The following CCDC122 variants were observed in gnomAD, a reference collection of about 807,000 sequenced individuals.
CCDC122 encodes coiled-coil domain containing 122, also known as coiled-coil domain-containing protein 122.
CCDC122 carries 38 observed loss-of-function variants against 37.0 expected under a neutral mutation model. The observed-to-expected ratio is 1.03, with a 90% CI of 0.79 to 1.35. The LOEUF is 1.35. Ranked by LOEUF, CCDC122 falls within the 40% of genes most tolerant of loss-of-function variation. CCDC122 has a pLI of 0.00. For missense variants in CCDC122, 305 were observed against 310.0 expected (o/e 0.98, Z 0.12); for synonymous variants, 83 against 95.6 (o/e 0.87, Z 0.77).
At chr13:43,861,388 A>T (rs893412957) in intron 4 of CCDC122, among the ~76,000 whole-genome samples, 1 of 152,212 alleles carries the variant, frequency 6.6e-6, no homozygotes, top group Non-Finnish European at 1.5e-5. Context: ...GGGTACGGAT[A>T]GACTAACGGA....
chr13:43,835,252 T>C (rs866861346), downstream of CCDC122, among the ~76,000 whole-genome samples: 1 of 152,104 alleles, frequency 6.6e-6, no homozygotes, highest in Non-Finnish European at 1.5e-5. Flanking sequence ...TAGGTGGGAA[T>C]TGAACAATGA....
chr13:43,844,230 T>A (rs570390812), intron 6 of CCDC122, among the ~76,000 whole-genome samples: 1 of 152,002 alleles, frequency 6.6e-6, no homozygotes, highest in Non-Finnish European at 1.5e-5. Context: ...ATACGTTGTG[T>A]TTTCATTATC....
At chr13:43,878,384 T>G (rs549675962) in intron 1 of CCDC122, among the ~76,000 whole-genome samples, 1 of 152,112 alleles carries the variant, frequency 6.6e-6, no homozygotes, top group Non-Finnish European at 1.5e-5. Flanking sequence ...AAAGAAAACA[T>G]GAATTTTGAC....
chr13:43,873,011 T>C (rs12584834), intron 2 of CCDC122, among the ~76,000 whole-genome samples: 1 of 152,148 alleles, frequency 6.6e-6, no homozygotes, highest in Admixed American at 6.6e-5. Flanking sequence ...ACAAGTTCCG[T>C]CTTCATTTTA....
intron 4 of CCDC122, among the ~76,000 whole-genome samples, chr13:43,862,847 C>T (rs1038932426): frequency 1.3e-5 from 2 of 152,012 alleles, no homozygotes; most frequent in Non-Finnish European, 2.9e-5. Flanking sequence ...ATGTAATTGA[C>T]TATTAATTTT....
chr13:43,842,311 T>C (rs767587178), intron 6 of CCDC122, among the ~76,000 whole-genome samples: 1 of 152,166 alleles, frequency 6.6e-6, no homozygotes, highest in Non-Finnish European at 1.5e-5. Context: ...CTTTCCTTTT[T>C]TTCATTGAAT....
chr13:43,845,379 T>C (rs1953484254), intron 6 of CCDC122, among the ~76,000 whole-genome samples: 1 of 152,216 alleles, frequency 6.6e-6, no homozygotes, highest in Non-Finnish European at 1.5e-5. Flanking sequence ...TATTTTCCAT[T>C]TCTAGTCCTT....
chr13:43,857,777 C>T (rs528807073), intron 6 of CCDC122, among the ~76,000 whole-genome samples: 19 of 152,086 alleles, frequency 1.2e-4, no homozygotes, highest in African/African-American at 3.4e-4. Context: ...GTGGTACGTG[C>T]CTGTAATCCC....
chr13:43,829,151 T>C (rs1225647723), intron 3 of CCDC122, among the ~76,000 whole-genome samples: 1 of 152,176 alleles, frequency 6.6e-6, no homozygotes, highest in Non-Finnish European at 1.5e-5. Flanking sequence ...ACAAATGCTG[T>C]GGCTGATATT....
rs182333180 is a variant in CCDC122, at chr13:43,857,773, C to T, written c.672+1008G>A. Reference sequence around the variant, plus strand: ...CAAAAATTAGCTGGGCATTGTGGTACGTGCCTGTAATCCCAGTTATCTGGG... The same window carrying T: ...CAAAAATTAGCTGGGCATTGTGGTATGTGCCTGTAATCCCAGTTATCTGGG... On this transcript the variant is annotated intron_variant, in intron 6 of 6. Coordinates refer to ENST00000444614, the MANE Select transcript of CCDC122 (RefSeq NM_144974.5). Among the ~76,000 whole-genome samples the T allele has an allele frequency of 6.2e-3, 947 of 152,064 alleles. 4 individuals are homozygous for T. Among genetic ancestry groups the T allele is most frequent in the Non-Finnish European group, 0.01 (695 of 67,968 alleles).
chr13:43,840,254 T>C (rs1380722492), intron 6 of CCDC122, among the ~76,000 whole-genome samples: 1 of 152,188 alleles, frequency 6.6e-6, no homozygotes, highest in Non-Finnish European at 1.5e-5. Flanking sequence ...TGGCCTCTCA[T>C]TACAGTAAAA....
At position 43,824,987 on chromosome 13, in the gene CCDC122, G is replaced by A. The variant is rs1196175469; in HGVS notation, n.602-976C>T. The stretch of plus-strand genomic sequence containing the variant: ...GTTCAGCCACTGTGGAAAGCAATTT[G>A]AAGGTTTCTCAAAAAACCAAAAATA... On this transcript the variant is annotated intron_variant and non_coding_transcript_variant, in intron 3 of 3. Coordinates refer to the CCDC122 transcript ENST00000470137. Among the ~76,000 whole-genome samples the A allele has an allele frequency of 3.3e-5, 5 of 152,204 alleles. No individual in the cohort carries two copies. In the East Asian group the frequency reaches 5.8e-4, roughly 18 times the overall value.
downstream of CCDC122, among the ~76,000 whole-genome samples, chr13:43,819,232 G>T (rs1351511507): frequency 6.6e-6 from 1 of 152,126 alleles, no homozygotes; most frequent in South Asian, 2.1e-4. Flanking sequence ...TACATTGTTG[G>T]TGTGATTATA....
chr13:43,871,890 A>G (rs1381864055), intron 2 of CCDC122, among the ~76,000 whole-genome samples: 3 of 152,042 alleles, frequency 2.0e-5, no homozygotes, highest in African/African-American at 7.2e-5. Context: ...CCTTGCTGTT[A>G]TCAGCTGTCT....
intron 6 of CCDC122, among the ~76,000 whole-genome samples, chr13:43,847,416 T>C (rs117240381): frequency 2.0e-5 from 3 of 152,144 alleles, no homozygotes; most frequent in African/African-American, 4.8e-5. Flanking sequence ...TTAAGGAGAA[T>C]GTATTCCTAA....
intron 3 of CCDC122, among the ~76,000 whole-genome samples, chr13:43,826,016 T>C (rs1227900693): frequency 6.6e-6 from 1 of 152,224 alleles, no homozygotes; most frequent in Admixed American, 6.5e-5. Context: ...GGCTAAATAT[T>C]CCCAGCAATT....
chr13:43,832,994 A>G (rs1953104152), downstream of CCDC122, among the ~76,000 whole-genome samples: 1 of 152,224 alleles, frequency 6.6e-6, no homozygotes, highest in Non-Finnish European at 1.5e-5. Context: ...GGAAAATAGC[A>G]TGATTAATCA....
chr13:43,851,285 TAGAC>T (rs1166480633), intron 6 of CCDC122, among the ~76,000 whole-genome samples: 13 of 152,268 alleles, frequency 8.5e-5, no homozygotes, highest in Admixed American at 4.6e-4. Flanking sequence ...TATGAGTAAA[TAGAC>T]AGATAAAGAG....
rs574516656 is a variant in CCDC122, at chr13:43,837,429, C to A, written c.673G>T (p.Val225Leu). The change falls in exon 7 of 7, where the codon GTA becomes TTA. Residue 225 changes from valine (V) to leucine (L), a missense_variant and splice_region_variant. Coordinates refer to ENST00000444614, the MANE Select transcript of CCDC122 (RefSeq NM_144974.5). ...THEKLRKEIEVQHKRYDAILK... is the reference protein window; with the variant it reads ...THEKLRKEIELQHKRYDAILK... ...ATTGCATCATACCTCTTATGTTGTACCTATCAAAAGAAGAGCACACATCAA... is the reference window on the plus strand; with the variant it reads ...ATTGCATCATACCTCTTATGTTGTAACTATCAAAAGAAGAGCACACATCAA... The A allele has an allele frequency of 1.2e-6, 2 of 1,610,450 alleles. No individual in the cohort carries two copies. Among genetic ancestry groups the A allele is most frequent in the African/African-American group, 1.3e-5 (1 of 74,764 alleles).
Sources: gnomAD v4.1 joint callset for allele counts (sites outside exome capture counted in the v4.1 genomes callset) on GRCh38, gnomAD v4.1.1 for gene constraint, MANE v1.5 for transcripts, NCBI Gene and HGNC (gene_info 2026-07-23, HGNC 2026-07-21) for gene names.